Variants in IGF1R observed in about 807,000 individuals in gnomAD.
IGF1R encodes the protein insulin-like growth factor 1 receptor.
A neutral mutation model predicts 144.6 loss-of-function variants in IGF1R; 44 were observed. The ratio of observed to expected loss-of-function variants is 0.30; its 90% CI spans 0.24 to 0.39. IGF1R has a LOEUF of 0.39. Ranked by LOEUF, IGF1R falls within the 10% of genes least tolerant of loss-of-function variation. The pLI is 1.00. For missense variants in IGF1R, 1,355 were observed against 1,833.7 expected, an observed-to-expected ratio of 0.74 and a Z score of 4.77; for synonymous variants, 795 against 722.8, an observed-to-expected ratio of 1.10 and a Z score of -1.60.
intron 2 of IGF1R, among the ~76,000 whole-genome samples, chr15:98,782,957 T>A (rs2055892589): frequency 6.6e-6 from 1 of 152,242 alleles, no homozygotes; most frequent in Non-Finnish European, 1.5e-5. Flanking sequence ...TTTTTGGAGC[T>A]GTGACTTCCT....
At chr15:98,667,139 A>G (rs1199459003) in intron 1 of IGF1R, among the ~76,000 whole-genome samples, 4 of 146,132 alleles carry the variant, frequency 2.7e-5, no homozygotes, top group Non-Finnish European at 4.5e-5. Context: ...AGTATTGCAG[A>G]TAATTTTTTT....
rs529711304 is a variant in IGF1R, at chr15:98,958,129, C to T, written c.*687C>T. ...AGCTGGTTGCTCCATTTGAGAGACA[C>T]GCTGGCGACACACTCCGTCCATCCG... On this transcript the variant is annotated 3_prime_UTR_variant, in exon 21 of 21. Coordinates refer to ENST00000650285, the MANE Select transcript of IGF1R (RefSeq NM_000875.5). 2.4e-4 allele frequency: 56 copies of T among 233,568 alleles called. 2 individuals carry two copies. The South Asian group carries it at 7.4e-3, about 31-fold the overall frequency. The allele number at this position is 233,568 out of a possible 1,614,324, so 14.5% of individuals were successfully genotyped here.
chr15:98,816,796 T>TG (rs2056704383), intron 2 of IGF1R, among the ~76,000 whole-genome samples: 2 of 152,176 alleles, frequency 1.3e-5, no homozygotes, highest in African/African-American at 4.8e-5. Context: ...CAGCTTTCTT[T>TG]GGGGAGGTGG....
chr15:98,942,829 C>T (rs1001975977), intron 18 of IGF1R, 94 bp from the exon 19 acceptor site: 14 of 1,532,036 alleles, frequency 9.1e-6, no homozygotes, highest in East Asian at 2.3e-5. Context: ...TCTTGCCTTG[C>T]GTCTCTCCAC....
At chr15:98,775,986 G>A (rs1405674500) in intron 2 of IGF1R, among the ~76,000 whole-genome samples, 6 of 152,142 alleles carry the variant, frequency 3.9e-5, no homozygotes, top group Non-Finnish European at 8.8e-5. Flanking sequence ...CCTAGTATTT[G>A]CCAAGTACGC....
intron 15 of IGF1R, among the ~76,000 whole-genome samples, chr15:98,931,523 G>A (rs950505792): frequency 2.0e-5 from 3 of 152,176 alleles, no homozygotes; most frequent in African/African-American, 4.8e-5. Context: ...GGAATCAGGT[G>A]CAGAATAATG....
At chr15:98,869,119 G>T (rs1162537951) in intron 2 of IGF1R, among the ~76,000 whole-genome samples, 1 of 152,024 alleles carries the variant, frequency 6.6e-6, no homozygotes, top group Non-Finnish European at 1.5e-5. Context: ...GAAGGGGCAA[G>T]GAAATATTTT....
At position 98,957,242 on chromosome 15, in the gene IGF1R, A is replaced by T. The variant is rs2017031077; in HGVS notation, c.3904A>T (p.Ser1302Cys). 1.2e-6 allele frequency: 2 copies of T among 1,614,000 alleles called. No homozygotes were observed. The highest frequency in any genetic ancestry group is 8.5e-7 in the Non-Finnish European group (1 of 1,180,026). Reference protein sequence around the residue: ...ELDLEPENMESVPLDPSASSS... With the variant: ...ELDLEPENMECVPLDPSASSS... Reference sequence around the variant, plus strand: ...GGACCTGGAGCCAGAGAACATGGAGAGCGTCCCCCTGGACCCCTCGGCCTC... The same window carrying T: ...GGACCTGGAGCCAGAGAACATGGAGTGCGTCCCCCTGGACCCCTCGGCCTC... Residue 1302 changes from serine to cysteine, a missense_variant, in exon 21 of 21, where the codon AGC becomes TGC. By Grantham distance (112) the Ser-to-Cys change is moderately radical. Transcript: ENST00000650285.
chr15:98,940,958 C>T (rs1300851511), intron 18 of IGF1R, among the ~76,000 whole-genome samples: 1 of 152,190 alleles, frequency 6.6e-6, no homozygotes, highest in Non-Finnish European at 1.5e-5. Context: ...AGGAAAGAGC[C>T]GCCCGCGTCC....
intron 2 of IGF1R, among the ~76,000 whole-genome samples, chr15:98,749,348 CTTGGTGACCCAAAGTGA>C (rs2054948470): frequency 6.6e-6 from 1 of 151,996 alleles, no homozygotes; most frequent in East Asian, 1.9e-4. Context: ...TCTCTTTGGT[CTTGGTGACCCAAAGTGA>C]TTTGGGTCAT....
chr15:98,910,128 G>T (rs1382847591), intron 6 of IGF1R, among the ~76,000 whole-genome samples: 1 of 152,192 alleles, frequency 6.6e-6, no homozygotes, highest in Non-Finnish European at 1.5e-5. Context: ...GTTGCTCTGG[G>T]GGATCTTAGA....
intron 2 of IGF1R, among the ~76,000 whole-genome samples, chr15:98,778,441 G>A (rs1330158877): frequency 6.6e-6 from 1 of 152,202 alleles, no homozygotes; most frequent in African/African-American, 2.4e-5. Flanking sequence ...CCACTTCACA[G>A]ATGAGAAGAC....
chr15:98,950,424 G>A (rs12437796), intron 20 of IGF1R, among the ~76,000 whole-genome samples: 24,375 of 152,154 alleles, frequency 0.16, 2,122 homozygotes, highest in East Asian at 0.33. Flanking sequence ...TGTCAGTGGG[G>A]CTGCAGTCTC....
At chr15:98,780,611 G>GTTATCTAC (rs2055840135) in intron 2 of IGF1R, among the ~76,000 whole-genome samples, 2 of 144,056 alleles carry the variant, frequency 1.4e-5, no homozygotes, top group Admixed American at 7.0e-5. Context: ...AGGTGAATAT[G>GTTATCTAC]TTATCTACTT....
intron 2 of IGF1R, among the ~76,000 whole-genome samples, chr15:98,852,091 C>CT (rs1394297023): frequency 6.6e-6 from 1 of 152,218 alleles, no homozygotes; most frequent in African/African-American, 2.4e-5. Flanking sequence ...TTGCCATTCT[C>CT]TTTGGAGACT....
In IGF1R at chr15:98,778,217, G is replaced by A. The variant is rs144598538; in HGVS notation, c.640+70110G>A. Among the ~76,000 whole-genome samples, 8 of 152,252 alleles carry A rather than the reference G, an allele frequency of 5.3e-5. No individual in the cohort carries two copies. The East Asian group carries it at 1.2e-3, about 22-fold the overall frequency. ...GATGCAAAGCCTGTACGTGGTCCTC[G>A]GAGTCATGCCACATGGTGACTGGTT... On this transcript the variant is annotated intron_variant, in intron 2 of 20. Coordinates refer to ENST00000650285, the MANE Select transcript of IGF1R (RefSeq NM_000875.5).
At position 98,962,338 on chromosome 15, in the gene IGF1R, C is replaced by T. The variant is rs1362142398; in HGVS notation, c.*4896C>T. The T allele has an allele frequency of 1.7e-5, 4 of 233,542 alleles. No homozygotes were observed. Among genetic ancestry groups the T allele is most frequent in the Admixed American group, 1.1e-4 (2 of 17,802 alleles). The allele number at this position is 233,542 out of a possible 1,614,324, so 14.5% of individuals were successfully genotyped here. On this transcript the variant is annotated 3_prime_UTR_variant, in exon 21 of 21. Coordinates refer to ENST00000650285, the MANE Select transcript of IGF1R (RefSeq NM_000875.5). ...GTTTGTTCTTTTCGTTAATGTTCCT[C>T]TGTGTTGTCAGCTGTCTTCATTTCC...
At chr15:98,808,733 G>A (rs1302999795) in intron 2 of IGF1R, among the ~76,000 whole-genome samples, 1 of 151,102 alleles carries the variant, frequency 6.6e-6, no homozygotes, top group Admixed American at 6.6e-5. Flanking sequence ...ACACTGGAGT[G>A]CAGTGGTGCG....
At chr15:98,757,722 G>C (rs2055189866) in intron 2 of IGF1R, among the ~76,000 whole-genome samples, 1 of 152,038 alleles carries the variant, frequency 6.6e-6, no homozygotes, top group Non-Finnish European at 1.5e-5. Flanking sequence ...TTTTTAAATA[G>C]AGCTGGACTT....
Sources: gnomAD v4.1 joint callset for allele counts (sites outside exome capture counted in the v4.1 genomes callset) on GRCh38, gnomAD v4.1.1 for gene constraint, MANE v1.5 for transcripts, NCBI Gene and HGNC (gene_info 2026-07-23, HGNC 2026-07-21) for gene names.